The following NALCN variants were observed in gnomAD, a reference collection of about 807,000 sequenced individuals.
The protein encoded by NALCN is sodium leak channel NALCN.
In NALCN, 111 loss-of-function variants were observed where a neutral mutation model predicts 225.3. That is an observed-to-expected ratio of 0.49 (90% CI 0.42 to 0.58). The LOEUF (loss-of-function observed/expected upper bound fraction) is 0.58, where lower values mean the gene tolerates loss of function less well. Among genes scored for constraint, NALCN ranks in the 20% least tolerant of loss-of-function variants. NALCN has a pLI of 0.00. For synonymous variants in NALCN, 764 were observed against 769.0 expected (o/e 0.99, Z 0.11); for missense variants, 1,378 against 2,202.4 (o/e 0.63, Z 7.49).
intron 13 of NALCN, among the ~76,000 whole-genome samples, chr13:101,214,731 G>A (rs1490303594): frequency 6.6e-6 from 1 of 152,120 alleles, no homozygotes; most frequent in Non-Finnish European, 1.5e-5. Context: ...TTGTGTCAGA[G>A]ATAAGGTACA....
chr13:101,363,680 T>C (rs1297143799), intron 6 of NALCN, among the ~76,000 whole-genome samples: 1 of 151,996 alleles, frequency 6.6e-6, no homozygotes, highest in Non-Finnish European at 1.5e-5. Flanking sequence ...GGGCAAATTT[T>C]TGGGGGGACA....
intron 7 of NALCN, among the ~76,000 whole-genome samples, chr13:101,313,366 A>G (rs1345096026): frequency 6.6e-6 from 1 of 152,212 alleles, no homozygotes; most frequent in Non-Finnish European, 1.5e-5. Context: ...TCTGCACAGC[A>G]AAAGAAACCG....
chr13:101,410,446 T>C (rs1039672541), intron 1 of NALCN, among the ~76,000 whole-genome samples: 2 of 152,226 alleles, frequency 1.3e-5, no homozygotes, highest in Non-Finnish European at 2.9e-5. Context: ...AAAATTTTGA[T>C]TTATAATTGT....
At chr13:101,224,612 C>G (rs11843047) in intron 13 of NALCN, among the ~76,000 whole-genome samples, 1 of 152,016 alleles carries the variant, frequency 6.6e-6, no homozygotes, top group Non-Finnish European at 1.5e-5. Flanking sequence ...TTCCTACACC[C>G]CTTCATGACC....
intron 1 of NALCN, among the ~76,000 whole-genome samples, chr13:101,401,093 C>T (rs907997058): frequency 1.3e-5 from 2 of 152,124 alleles, no homozygotes; most frequent in Non-Finnish European, 1.5e-5. Flanking sequence ...TGAAAACGGA[C>T]GGATTCACCT....
intron 12 of NALCN, among the ~76,000 whole-genome samples, chr13:101,232,476 C>T (rs2041387059): frequency 6.8e-6 from 1 of 146,776 alleles, no homozygotes; most frequent in Non-Finnish European, 1.5e-5. Flanking sequence ...GACGGAGTCT[C>T]ACTCTGTCGC....
At chr13:101,063,444 G>T (rs1196102267) in intron 40 of NALCN, among the ~76,000 whole-genome samples, 1 of 152,134 alleles carries the variant, frequency 6.6e-6, no homozygotes, top group East Asian at 1.9e-4. Flanking sequence ...TTTTGCCTGG[G>T]TCTATTTTTA....
chr13:101,187,629 G>C (rs113306624), intron 14 of NALCN, among the ~76,000 whole-genome samples: 3 of 152,158 alleles, frequency 2.0e-5, no homozygotes, highest in African/African-American at 7.2e-5. Flanking sequence ...AGTAAGAGGT[G>C]CTCCCTTATT....
rs1342683792 is a variant in NALCN at position 101,351,273 on chromosome 13, A to T, written c.645-5853T>A. ...TTGGCACTGATTTTCAATGTTTTAA[A>T]TTTCTGGCTTTAGTAGCTTCCATGT... On this transcript the variant is annotated intron_variant, in intron 6 of 43. Coordinates refer to ENST00000251127, the MANE Select transcript of NALCN (RefSeq NM_052867.4). Among the ~76,000 whole-genome samples the T allele has an allele frequency of 2.0e-5, 3 of 152,104 alleles. No individual in the cohort carries two copies. In the South Asian group the frequency reaches 6.2e-4, roughly 31 times the overall value.
intron 7 of NALCN, among the ~76,000 whole-genome samples, chr13:101,312,286 T>G (rs2044375494): frequency 1.3e-5 from 2 of 152,210 alleles, no homozygotes; most frequent in Admixed American, 6.5e-5. Context: ...GGTCTATCAA[T>G]TTTGTTGATC....
At position 101,275,632 on chromosome 13, in the gene NALCN, A is replaced by C. The variant is rs539777143; in HGVS notation, c.1134+8301T>G. 4.9e-4 allele frequency among the ~76,000 whole-genome samples: 74 copies of C among 152,286 alleles called. 1 individual carries two copies. The highest frequency in any genetic ancestry group is 1.8e-3 in the African/African-American group (73 of 41,560). ...AAGATGTTGTGTTGGGTGTCTATGCATCAGGTGAAGATAAGGAGATCTGTA... is the reference window on the plus strand; with the variant it reads ...AAGATGTTGTGTTGGGTGTCTATGCCTCAGGTGAAGATAAGGAGATCTGTA... On this transcript the variant is annotated intron_variant, in intron 10 of 43. Transcript: ENST00000251127.
At chr13:101,313,268 A>G (rs2044421152) in intron 7 of NALCN, among the ~76,000 whole-genome samples, 1 of 152,144 alleles carries the variant, frequency 6.6e-6, no homozygotes, top group Admixed American at 6.5e-5. Context: ...GGACATAGGC[A>G]TGGGCAAAGA....
At chr13:101,063,413 G>A (rs988319142) in intron 40 of NALCN, among the ~76,000 whole-genome samples, 2 of 152,220 alleles carry the variant, frequency 1.3e-5, no homozygotes, top group African/African-American at 2.4e-5. Context: ...ATAGGAAGGG[G>A]AGAGACAGCC....
chr13:101,245,566 C>T (rs1350811765), intron 11 of NALCN, among the ~76,000 whole-genome samples: 1 of 152,048 alleles, frequency 6.6e-6, no homozygotes, highest in Non-Finnish European at 1.5e-5. Context: ...GAATTTTCTA[C>T]CCCCCAACTA....
At position 101,060,275 on chromosome 13, in the gene NALCN, G is replaced by GTTTTTTTTTTTTTTTTTTTTTT. The variant is rs771531599; in HGVS notation, c.4756-309_4756-308insAAAAAAAAAAAAAAAAAAAAAA. ...TTTCTTTTTGTTGTTGGTGTTTTCT[G>GTTTTTTTTTTTTTTTTTTTTTT]TTTTTTTTTTTTTTTTTTTAGATAG... On this transcript the variant is annotated intron_variant, in intron 41 of 43. Transcript: ENST00000251127. Among the ~76,000 whole-genome samples, 8 of 79,854 alleles carry GTTTTTTTTTTTTTTTTTTTTTT rather than the reference G, an allele frequency of 1.0e-4. 1 individual carries two copies. Among genetic ancestry groups the GTTTTTTTTTTTTTTTTTTTTTT allele is most frequent in the East Asian group, 4.3e-4 (1 of 2,302 alleles). 52.4% of individuals were successfully genotyped at this position (79,854 alleles called of 152,430 possible).
intron 37 of NALCN, among the ~76,000 whole-genome samples, chr13:101,070,061 A>ATTTTTTTTTTTTTTTTTTTTTTTTT (rs1377492353): frequency 5.2e-5 from 1 of 19,256 alleles, no homozygotes; most frequent in African/African-American, 1.9e-4. Flanking sequence ...TGAATCATGA[A>ATTTTTTTTTTTTTTTTTTTTTTTTT]TGTTTTTTTT....
chr13:101,339,743 T>G (rs1375219259), intron 7 of NALCN, among the ~76,000 whole-genome samples: 3 of 152,164 alleles, frequency 2.0e-5, no homozygotes, highest in Non-Finnish European at 2.9e-5. Context: ...ATTAAACATA[T>G]GCATGATGCT....
At chr13:101,273,389 T>C (rs1357350434) in intron 10 of NALCN, among the ~76,000 whole-genome samples, 2 of 152,160 alleles carry the variant, frequency 1.3e-5, no homozygotes, top group African/African-American at 4.8e-5. Context: ...CAATTATAAC[T>C]TTTCACCTTT....
At chr13:101,246,212 C>A (rs995526643) in intron 11 of NALCN, among the ~76,000 whole-genome samples, 2 of 152,112 alleles carry the variant, frequency 1.3e-5, no homozygotes, top group Non-Finnish European at 2.9e-5. Flanking sequence ...TAACTAATCT[C>A]GTAAACACAG....
Sources: allele counts gnomAD v4.1 joint callset (sites outside exome capture counted in the v4.1 genomes callset), GRCh38; gene constraint gnomAD v4.1.1; transcripts MANE v1.5; gene names NCBI Gene and HGNC (gene_info 2026-07-23, HGNC 2026-07-21).